UBE2D3: variants seen among roughly 807,000 people sequenced by gnomAD.
UBE2D3 encodes the protein ubiquitin-conjugating enzyme E2 D3.
UBE2D3 carries 2 observed loss-of-function variants against 22.8 expected under a neutral mutation model. The ratio of observed to expected loss-of-function variants is 0.09; its 90% CI spans 0.04 to 0.28. The LOEUF (loss-of-function observed/expected upper bound fraction) is 0.28. Ranked by LOEUF, UBE2D3 falls within the 10% of genes least tolerant of loss-of-function variation. UBE2D3 has a pLI of 1.00. For missense variants in UBE2D3, 27 were observed against 182.5 expected, an observed-to-expected ratio of 0.15 and a Z score of 4.91; for synonymous variants, 56 against 60.4, an observed-to-expected ratio of 0.93 and a Z score of 0.34.
At chr4:102,819,675 T>C (rs1015498709) in intron 2 of UBE2D3, 1 of 809,044 alleles carries the variant, frequency 1.2e-6, no homozygotes, top group African/African-American at 1.9e-5. Context: ...AGTTCATGGA[T>C]TCTACCTTTA....
At chr4:102,835,955 T>C (rs1459439286) in intron 1 of UBE2D3, among the ~76,000 whole-genome samples, 1 of 152,152 alleles carries the variant, frequency 6.6e-6, no homozygotes, top group Admixed American at 6.6e-5. Context: ...TTTCTAGAGC[T>C]GTATTGAAGT....
At chr4:102,809,624 A>G (rs984598870) in intron 4 of UBE2D3, 48 bp downstream of exon 4, 2 of 1,530,324 alleles carry the variant, frequency 1.3e-6, no homozygotes, top group African/African-American at 2.8e-5. Context: ...AACCAAATCA[A>G]TGCTGGATTT....
intron 6 of UBE2D3, among the ~76,000 whole-genome samples, 155 bp downstream of exon 6, chr4:102,801,299 C>T (rs1726115330): frequency 6.6e-6 from 1 of 152,098 alleles, no homozygotes; most frequent in Admixed American, 6.5e-5. Context: ...TATCTTTAAT[C>T]AACACCACTA....
chr4:102,847,180 G>A (rs1560888602), intron 1 of UBE2D3, among the ~76,000 whole-genome samples: 1 of 152,156 alleles, frequency 6.6e-6, no homozygotes, highest in Non-Finnish European at 1.5e-5. Flanking sequence ...GAAGAATTAA[G>A]CATGTAATTG....
At chr4:102,867,370 C>T (rs1472720291) in intron 1 of UBE2D3, among the ~76,000 whole-genome samples, 5 of 152,098 alleles carry the variant, frequency 3.3e-5, no homozygotes, top group African/African-American at 4.8e-5. Context: ...AAATACTGGA[C>T]CATTAGCAGT....
At chr4:102,825,806 T>G in intron 2 of UBE2D3, 1 of 456,502 alleles carries the variant, frequency 2.2e-6, no homozygotes, top group Non-Finnish European at 4.4e-6. Flanking sequence ...GAATGCCTTT[T>G]ACATCAGTTC....
At chr4:102,844,090 T>C (rs1731913787) in intron 1 of UBE2D3, 1 of 152,224 alleles carries the variant, frequency 6.6e-6, no homozygotes, top group African/African-American at 2.4e-5. Context: ...AAGTTTGCAG[T>C]CCACTGTCAT....
At chr4:102,815,162 G>GC (rs1406123803) in intron 2 of UBE2D3, among the ~76,000 whole-genome samples, 1 of 151,914 alleles carries the variant, frequency 6.6e-6, no homozygotes, top group Non-Finnish European at 1.5e-5. Context: ...TCCTGCCTCA[G>GC]CCTTCCGAGT....
chr4:102,867,900 T>A (rs1458004823), intron 1 of UBE2D3, among the ~76,000 whole-genome samples: 1 of 151,792 alleles, frequency 6.6e-6, no homozygotes, highest in African/African-American at 2.4e-5. Context: ...TAAAACTTTA[T>A]GAAAAAAAAT....
chr4:102,804,700 G>T (rs948812430), intron 4 of UBE2D3, among the ~76,000 whole-genome samples: 2 of 152,116 alleles, frequency 1.3e-5, no homozygotes, highest in Admixed American at 6.5e-5. Context: ...TTGAGACAGG[G>T]TCTTGCTCTG....
At chr4:102,818,630 A>C (rs536890143) in intron 2 of UBE2D3, among the ~76,000 whole-genome samples, 78 of 152,328 alleles carry the variant, frequency 5.1e-4, no homozygotes, top group African/African-American at 1.7e-3. Context: ...GGTAGAAAAT[A>C]GGGCAGGATT....
intron 1 of UBE2D3, among the ~76,000 whole-genome samples, chr4:102,859,082 T>C (rs542220916): frequency 6.6e-6 from 1 of 152,072 alleles, no homozygotes; most frequent in Admixed American, 6.6e-5. Context: ...TTTTAGCATT[T>C]CTTGTGAGGC....
chr4:102,850,795 G>A (rs964947016), intron 1 of UBE2D3, among the ~76,000 whole-genome samples: 1 of 152,166 alleles, frequency 6.6e-6, no homozygotes, highest in Non-Finnish European at 1.5e-5. Context: ...CTTGGATGGA[G>A]TTGGAGACCA....
chr4:102,860,902 T>C (rs368696005), intron 1 of UBE2D3, among the ~76,000 whole-genome samples: 13 of 151,840 alleles, frequency 8.6e-5, no homozygotes, highest in Non-Finnish European at 1.9e-4. Context: ...GTAGGGCTCA[T>C]GGGTGAGCCT....
intron 1 of UBE2D3, among the ~76,000 whole-genome samples, chr4:102,861,774 A>G (rs1321604016): frequency 2.0e-5 from 3 of 152,080 alleles, no homozygotes; most frequent in Admixed American, 6.6e-5. Context: ...ACAATTATGT[A>G]TATCATATAT....
At chr4:102,798,279 A>AAATATATATATATATATATATATAT (rs1725523227) in intron 7 of UBE2D3, among the ~76,000 whole-genome samples, 1 of 111,856 alleles carries the variant, frequency 8.9e-6, no homozygotes, top group African/African-American at 4.0e-5. Flanking sequence ...TTAAGAAATG[A>AAATATATATATATATATATATATAT]ATATATATAT....
rs937754276 is a variant in UBE2D3 at position 102,795,029 on chromosome 4, T to C, written c.*2386A>G. 6.6e-6 allele frequency: 1 copy of C among 152,094 alleles called. No homozygotes were observed. Among genetic ancestry groups the C allele is most frequent in the East Asian group, 1.9e-4 (1 of 5,204 alleles). The allele number at this position is 152,094 out of a possible 1,614,324, so 9.4% of individuals were successfully genotyped here. ...ATTCTTAGATTCTTTTAAGATTTCATTGTACATATCTCATGTCCAGTGTCC... is the reference window on the plus strand; with the variant it reads ...ATTCTTAGATTCTTTTAAGATTTCACTGTACATATCTCATGTCCAGTGTCC... On this transcript the variant is annotated 3_prime_UTR_variant, in exon 8 of 8. Coordinates refer to ENST00000453744, the MANE Select transcript of UBE2D3 (RefSeq NM_181891.3).
chr4:102,797,563 A>G, intron 7 of UBE2D3, 103 bp from the exon 8 acceptor site: 1 of 870,380 alleles, frequency 1.1e-6, no homozygotes, highest in East Asian at 2.7e-5. Flanking sequence ...CTCATCATGA[A>G]GTCATCTCTA....
Position 102,795,431 on chromosome 4 carries a change from G to A in UBE2D3, c.*1984C>T, listed in dbSNP as rs1335618740. 1.3e-5 allele frequency: 2 copies of A among 151,992 alleles called. No homozygotes were observed. The highest frequency in any genetic ancestry group is 4.8e-5 in the African/African-American group (2 of 41,430). 9.4% of individuals were successfully genotyped at this position (151,992 alleles called of 1,614,324 possible). ...CAAAGAGCAGTTTTTCTTACCTTGTGGAGCAGAATGTTAACTAATTTCTCA... is the reference window on the plus strand; with the variant it reads ...CAAAGAGCAGTTTTTCTTACCTTGTAGAGCAGAATGTTAACTAATTTCTCA... On this transcript the variant is annotated 3_prime_UTR_variant, in exon 8 of 8. Transcript: ENST00000453744.
Sources: allele counts gnomAD v4.1 joint callset (sites outside exome capture counted in the v4.1 genomes callset), GRCh38; gene constraint gnomAD v4.1.1; transcripts MANE v1.5; gene names NCBI Gene and HGNC (gene_info 2026-07-23, HGNC 2026-07-21).